The following ZNF385D variants were observed in gnomAD, a reference collection of about 807,000 sequenced individuals.
ZNF385D encodes the protein zinc finger protein 659.
In ZNF385D, 15 loss-of-function variants were observed where a neutral mutation model predicts 35.8. The ratio of observed to expected loss-of-function variants is 0.42; its 90% CI spans 0.28 to 0.64. The LOEUF is 0.64. Among genes scored for constraint, ZNF385D ranks in the 30% least tolerant of loss-of-function variants. ZNF385D has a pLI of 0.23. For synonymous variants in ZNF385D, 212 were observed against 186.8 expected (o/e 1.13, Z -1.10); for missense variants, 474 against 494.6 (o/e 0.96, Z 0.39).
At chr3:22,257,199 A>C (rs1700361684) in intron 2 of ZNF385D, among the ~76,000 whole-genome samples, 1 of 151,820 alleles carries the variant, frequency 6.6e-6, no homozygotes, top group African/African-American at 2.4e-5. Context: ...CATATTTTCA[A>C]ATTATTTTTG....
intron 3 of ZNF385D, among the ~76,000 whole-genome samples, chr3:21,813,091 G>T (rs1388081832): frequency 6.6e-6 from 1 of 152,208 alleles, no homozygotes; most frequent in Non-Finnish European, 1.5e-5. Flanking sequence ...AGGGTCTGGA[G>T]TGGACCTCCA....
At chr3:21,967,657 T>G (rs1173451280) in intron 3 of ZNF385D, among the ~76,000 whole-genome samples, 1 of 152,240 alleles carries the variant, frequency 6.6e-6, no homozygotes, top group Non-Finnish European at 1.5e-5. Context: ...GAGGGGCTCC[T>G]AAGACTTCTA....
chr3:22,019,134 C>A (rs1697074707), intron 3 of ZNF385D, among the ~76,000 whole-genome samples: 1 of 136,284 alleles, frequency 7.3e-6, no homozygotes, highest in African/African-American at 2.8e-5. Context: ...ATCCTGTCTC[C>A]TATACAGGGA....
intron 1 of ZNF385D, among the ~76,000 whole-genome samples, chr3:21,703,720 A>G (rs2067784650): frequency 6.6e-6 from 1 of 150,956 alleles, no homozygotes; most frequent in Admixed American, 6.6e-5. Flanking sequence ...TTCTTTTTTC[A>G]TGTTGGCTCA....
chr3:21,448,302 CAAT>C (rs905564779), intron 4 of ZNF385D, among the ~76,000 whole-genome samples: 24 of 151,938 alleles, frequency 1.6e-4, no homozygotes, highest in African/African-American at 5.3e-4. Context: ...TTTTTTTAAC[CAAT>C]AATCTTTCAG....
chr3:21,522,008 A>G (rs1374521666), intron 3 of ZNF385D, among the ~76,000 whole-genome samples: 1 of 152,140 alleles, frequency 6.6e-6, no homozygotes, highest in Non-Finnish European at 1.5e-5. Flanking sequence ...TATAATGAGA[A>G]TAAATACCAA....
intron 2 of ZNF385D, among the ~76,000 whole-genome samples, chr3:21,632,371 ATTTG>A (rs1249126021): frequency 6.6e-6 from 1 of 152,068 alleles, no homozygotes; most frequent in East Asian, 1.9e-4. Flanking sequence ...GGCTTTCTTA[ATTTG>A]TTTATTTACT....
intron 3 of ZNF385D, among the ~76,000 whole-genome samples, chr3:21,848,408 G>C (rs1040096104): frequency 6.6e-6 from 1 of 151,232 alleles, no homozygotes; most frequent in African/African-American, 2.4e-5. Context: ...ATAAAGATTA[G>C]AAGAATAAAT....
rs116612373 is a variant in ZNF385D, at chr3:21,775,294, G to A, written c.326-110266C>T. On this transcript the variant is annotated intron_variant, in intron 3 of 5. Transcript: ENST00000494108. ...GTATTTGCAGCAAGAATTGGCACCTGTTTCCTAAATCAGCCTAGAGCTTTC... is the reference window on the plus strand; with the variant it reads ...GTATTTGCAGCAAGAATTGGCACCTATTTCCTAAATCAGCCTAGAGCTTTC... Among the ~76,000 whole-genome samples, 422 of 151,896 alleles carry A rather than the reference G, an allele frequency of 2.8e-3. 2 individuals carry two copies. Among genetic ancestry groups the A allele is most frequent in the African/African-American group, 9.4e-3 (388 of 41,480 alleles).
intron 3 of ZNF385D, among the ~76,000 whole-genome samples, chr3:21,550,838 A>G (rs1181465115): frequency 1.3e-5 from 2 of 152,186 alleles, no homozygotes; most frequent in East Asian, 1.9e-4. Flanking sequence ...AATGATACCA[A>G]TGATCTACTT....
intron 3 of ZNF385D, among the ~76,000 whole-genome samples, chr3:21,551,998 T>C (rs2062583320): frequency 6.6e-6 from 1 of 152,188 alleles, no homozygotes; most frequent in Non-Finnish European, 1.5e-5. Flanking sequence ...TTATTTTCAT[T>C]GGACGGGGAA....
intron 3 of ZNF385D, among the ~76,000 whole-genome samples, chr3:21,775,456 A>C (rs901297697): frequency 6.6e-6 from 1 of 151,894 alleles, no homozygotes; most frequent in African/African-American, 2.4e-5. Context: ...GAGGGCTTGG[A>C]AAGTACTGCT....
chr3:21,593,372 C>T (rs1559441273), intron 2 of ZNF385D, among the ~76,000 whole-genome samples: 1 of 152,074 alleles, frequency 6.6e-6, no homozygotes, highest in African/African-American at 2.4e-5. Context: ...TCCGTCTTTA[C>T]CCTTGAACCA....
rs571518502 is a variant in ZNF385D at position 22,263,341 on chromosome 3, C to A, written c.107-94306G>T. ...GGACTTTCCAACTTTCTGCTTCCTT[C>A]TTTCTGCAATGATTTTGTCCAAGAT... On this transcript the variant is annotated intron_variant, in intron 2 of 5. Coordinates refer to the ZNF385D transcript ENST00000494108. Among the ~76,000 whole-genome samples the A allele has an allele frequency of 1.2e-3, 175 of 151,772 alleles. 3 individuals carry two copies. The highest frequency in any genetic ancestry group is 4.0e-3 in the African/African-American group (166 of 41,414).
chr3:21,568,314 AAGT>A (rs796122251), intron 2 of ZNF385D, among the ~76,000 whole-genome samples: 4 of 152,336 alleles, frequency 2.6e-5, no homozygotes, highest in African/African-American at 9.6e-5. Flanking sequence ...GTATAACTAA[AAGT>A]AGCCTCTACT....
chr3:21,583,373 A>G (rs939014236), intron 2 of ZNF385D, among the ~76,000 whole-genome samples: 5 of 152,024 alleles, frequency 3.3e-5, no homozygotes, highest in African/African-American at 1.2e-4. Context: ...GGCTCTTAGA[A>G]TATACTATCA....
At chr3:21,537,621 C>T (rs2062067586) in intron 3 of ZNF385D, among the ~76,000 whole-genome samples, 2 of 152,030 alleles carry the variant, frequency 1.3e-5, no homozygotes, top group African/African-American at 4.8e-5. Flanking sequence ...CTGAGTTTTT[C>T]TAGAACCCTC....
chr3:21,752,013 C>CT (rs1260376110), upstream of ZNF385D, among the ~76,000 whole-genome samples: 1 of 53,816 alleles, frequency 1.9e-5, no homozygotes, highest in African/African-American at 6.2e-5. Context: ...ACCCACCCCC[C>CT]TCCCCCCCCC....
At chr3:21,940,631 G>C (rs1195823617) in intron 3 of ZNF385D, among the ~76,000 whole-genome samples, 1 of 152,076 alleles carries the variant, frequency 6.6e-6, no homozygotes, top group South Asian at 2.1e-4. Flanking sequence ...TAGGGAGATA[G>C]ACAACAATCA....
Sources: gnomAD v4.1 joint callset for allele counts (sites outside exome capture counted in the v4.1 genomes callset) on GRCh38, gnomAD v4.1.1 for gene constraint, MANE v1.5 for transcripts, NCBI Gene and HGNC (gene_info 2026-07-23, HGNC 2026-07-21) for gene names.